The following RCAN2 variants were observed in gnomAD, a reference collection of about 807,000 sequenced individuals.
RCAN2 encodes the protein calcipressin-2.
A neutral mutation model predicts 23.6 loss-of-function variants in RCAN2; 9 were observed. The ratio of observed to expected loss-of-function variants is 0.38; its 90% CI spans 0.23 to 0.67. The LOEUF (loss-of-function observed/expected upper bound fraction) is 0.67, where lower values mean the gene tolerates loss of function less well. Ranked by LOEUF, RCAN2 falls within the 30% of genes least tolerant of loss-of-function variation. The probability of loss-of-function intolerance (pLI) is 0.51; values close to 1 mark genes in which losing one functional copy is unlikely to be tolerated. For missense variants in RCAN2, 273 were observed against 302.3 expected, an observed-to-expected ratio of 0.90 and a Z score of 0.72; for synonymous variants, 109 against 115.7, an observed-to-expected ratio of 0.94 and a Z score of 0.37.
chr6:46,491,673 C>T (rs1477832883), upstream of RCAN2, among the ~76,000 whole-genome samples: 1 of 151,962 alleles, frequency 6.6e-6, no homozygotes, highest in Non-Finnish European at 1.5e-5. Context: ...CTCCTTTCCA[C>T]TTCAGGTGCC....
In RCAN2 at chr6:46,456,953, G is replaced by A. The variant is rs567350275; in HGVS notation, c.24C>T (p.Ile8=). Residue 8 remains isoleucine, a synonymous_variant, in exon 2 of 5, where the codon ATC becomes ATT. Transcript: ENST00000371374. MRGESYF[I]GMRSPGQQGH... ...CCTGCTGCCCTGGGCTCCTCATTCC[G>A]ATGAAGTATGATTCTCCCCTCATTC... The A allele has an allele frequency of 3.0e-5, 46 of 1,550,484 alleles. No individual in the cohort carries two copies. The South Asian group carries it at 3.7e-4, about 12-fold the overall frequency.
At chr6:46,360,156 T>C (rs913871735) in intron 2 of RCAN2, among the ~76,000 whole-genome samples, 1 of 152,158 alleles carries the variant, frequency 6.6e-6, no homozygotes, top group African/African-American at 2.4e-5. Context: ...AAACCAACTA[T>C]GCAGTTGCTG....
intron 2 of RCAN2, among the ~76,000 whole-genome samples, chr6:46,326,632 A>T (rs1342989613): frequency 6.6e-6 from 1 of 152,194 alleles, no homozygotes; most frequent in Non-Finnish European, 1.5e-5. Flanking sequence ...ATTGTTTTTT[A>T]TTTTATCATT....
chr6:46,239,290 T>C (rs906770170), intron 4 of RCAN2, among the ~76,000 whole-genome samples: 25 of 152,206 alleles, frequency 1.6e-4, no homozygotes, highest in African/African-American at 4.6e-4. Flanking sequence ...ATCTTCTAAG[T>C]GGAAGTGGAA....
intron 2 of RCAN2, among the ~76,000 whole-genome samples, chr6:46,432,198 TTTTTG>T (rs533393364): frequency 9.2e-5 from 14 of 152,002 alleles, no homozygotes; most frequent in African/African-American, 2.9e-4. Flanking sequence ...TTTTGGGGGT[TTTTTG>T]TTTTGTTTTG....
At chr6:46,238,793 A>G (rs1766196481) in intron 4 of RCAN2, among the ~76,000 whole-genome samples, 1 of 152,138 alleles carries the variant, frequency 6.6e-6, no homozygotes, top group African/African-American at 2.4e-5. Context: ...GGCTCAACTG[A>G]TCCTCCTGCC....
At chr6:46,237,802 A>T (rs898891057) in intron 4 of RCAN2, among the ~76,000 whole-genome samples, 1 of 152,056 alleles carries the variant, frequency 6.6e-6, no homozygotes, top group Non-Finnish European at 1.5e-5. Flanking sequence ...CATGCTTGGA[A>T]CCCTATGTCC....
intron 2 of RCAN2, among the ~76,000 whole-genome samples, chr6:46,328,344 C>G (rs1429139246): frequency 6.6e-6 from 1 of 152,094 alleles, no homozygotes; most frequent in Non-Finnish European, 1.5e-5. Flanking sequence ...TATTATCCCT[C>G]CCAGAGGAAT....
chr6:46,418,294 C>T (rs1023845114), intron 2 of RCAN2, among the ~76,000 whole-genome samples: 1 of 152,076 alleles, frequency 6.6e-6, no homozygotes, highest in Admixed American at 6.6e-5. Context: ...TCAATTAAAA[C>T]GGAAATAATA....
At chr6:46,298,901 T>A (rs1762815547) in intron 2 of RCAN2, among the ~76,000 whole-genome samples, 1 of 152,122 alleles carries the variant, frequency 6.6e-6, no homozygotes, top group African/African-American at 2.4e-5. Context: ...ATGTGCTTTA[T>A]ATACCCCATG....
intron 2 of RCAN2, among the ~76,000 whole-genome samples, chr6:46,331,193 AAAAACTT>A (rs1274266104): frequency 5.9e-5 from 9 of 152,152 alleles, no homozygotes; most frequent in Non-Finnish European, 8.8e-5. Context: ...TTTATTAATT[AAAAACTT>A]TTTATGAGAT....
At chr6:46,372,212 C>T (rs538886590) in intron 2 of RCAN2, among the ~76,000 whole-genome samples, 3 of 152,290 alleles carry the variant, frequency 2.0e-5, no homozygotes, top group Admixed American at 6.5e-5. Flanking sequence ...CAGCAACAAT[C>T]GTATTTCCCA....
chr6:46,399,895 T>C (rs1250179836), intron 2 of RCAN2, among the ~76,000 whole-genome samples: 1 of 152,206 alleles, frequency 6.6e-6, no homozygotes, highest in Non-Finnish European at 1.5e-5. Flanking sequence ...AGGTTCTGGA[T>C]GGACATATCT....
Position 46,336,796 on chromosome 6 carries a change from G to A in RCAN2, c.226-87900C>T, listed in dbSNP as rs1384999667. On this transcript the variant is annotated intron_variant, in intron 2 of 4. Transcript: ENST00000371374. Reference sequence around the variant, plus strand: ...CCAAAACTCTTGCCAGAGGCAATAGGGGTTGGATTACGGAGATGCAGTAGT... The same window carrying A: ...CCAAAACTCTTGCCAGAGGCAATAGAGGTTGGATTACGGAGATGCAGTAGT... 5.3e-5 allele frequency among the ~76,000 whole-genome samples: 8 copies of A among 152,308 alleles called. No individual in the cohort carries two copies. The East Asian group carries it at 1.5e-3, about 29-fold the overall frequency.
At chr6:46,401,178 C>T (rs1224292473) in intron 2 of RCAN2, among the ~76,000 whole-genome samples, 1 of 152,198 alleles carries the variant, frequency 6.6e-6, no homozygotes, top group Non-Finnish European at 1.5e-5. Context: ...CTTCTGTTCA[C>T]TCACAAAACT....
intron 4 of RCAN2, among the ~76,000 whole-genome samples, chr6:46,236,209 C>T (rs1333337942): frequency 1.3e-5 from 2 of 152,224 alleles, no homozygotes; most frequent in African/African-American, 4.8e-5. Flanking sequence ...GACACCATTG[C>T]AAAGAGCAGT....
intron 4 of RCAN2, among the ~76,000 whole-genome samples, chr6:46,240,432 G>A (rs1335066809): frequency 6.6e-6 from 1 of 152,094 alleles, no homozygotes; most frequent in African/African-American, 2.4e-5. Flanking sequence ...TATATGCTGG[G>A]AAGAAAAGCC....
chr6:46,264,313 G>A (rs1365861394), intron 2 of RCAN2, among the ~76,000 whole-genome samples: 1 of 152,204 alleles, frequency 6.6e-6, no homozygotes, highest in Non-Finnish European at 1.5e-5. Flanking sequence ...AGTGATCAAA[G>A]TAAGCTTTTC....
chr6:46,446,582 G>A lies in RCAN2; in HGVS notation c.225+10170C>T, dbSNP rs114922006. 4.9e-3 allele frequency among the ~76,000 whole-genome samples: 743 copies of A among 152,244 alleles called. 6 individuals carry two copies. Among genetic ancestry groups the A allele is most frequent in the African/African-American group, 0.017 (699 of 41,532 alleles). On this transcript the variant is annotated intron_variant, in intron 2 of 4. Transcript: ENST00000371374. ...TACTCTACTACTATAATGGTTCTAC[G>A]TAAGTCACTTATATCTTTAGTATGA...
Sources: gnomAD v4.1 joint callset for allele counts (sites outside exome capture counted in the v4.1 genomes callset) on GRCh38, gnomAD v4.1.1 for gene constraint, MANE v1.5 for transcripts, NCBI Gene and HGNC (gene_info 2026-07-23, HGNC 2026-07-21) for gene names.